RASEF: variants seen among roughly 807,000 people sequenced by gnomAD.
RASEF encodes the protein RAS and EF-hand domain containing.
In RASEF, 68 loss-of-function variants were observed where a neutral mutation model predicts 90.1. That is an observed-to-expected ratio of 0.75 (90% CI 0.62 to 0.92). The LOEUF (loss-of-function observed/expected upper bound fraction) is 0.92, where lower values mean the gene tolerates loss of function less well. Ranked by LOEUF, RASEF falls within the 40% of genes least tolerant of loss-of-function variation. RASEF has a pLI of 0.00. For missense variants in RASEF, 949 were observed against 937.2 expected, an observed-to-expected ratio of 1.01 and a Z score of -0.16; for synonymous variants, 331 against 345.2, an observed-to-expected ratio of 0.96 and a Z score of 0.46.
the RASEF span, among the ~76,000 whole-genome samples, chr9:83,160,045 T>A: frequency 6.6e-6 from 1 of 152,230 alleles, no homozygotes; most frequent in African/African-American, 2.4e-5. Context: ...GTAAGTCCAA[T>A]AAACCTCTTT....
At chr9:83,091,695 A>G in the RASEF span, among the ~76,000 whole-genome samples, 1 of 152,220 alleles carries the variant, frequency 6.6e-6, no homozygotes, top group Non-Finnish European at 1.5e-5. Flanking sequence ...CTGTGACATT[A>G]AAACATTCAA....
At chr9:83,132,801 G>C in the RASEF span, among the ~76,000 whole-genome samples, 8 of 152,142 alleles carry the variant, frequency 5.3e-5, no homozygotes, top group Admixed American at 5.2e-4. Flanking sequence ...CTCATTTGTA[G>C]ATTTCTCTCT....
At chr9:82,991,884 T>C (rs146798407) in intron 15 of RASEF, among the ~76,000 whole-genome samples, 5 of 152,338 alleles carry the variant, frequency 3.3e-5, no homozygotes, top group African/African-American at 1.2e-4. Context: ...TTTCATGAGT[T>C]TAACATCTGT....
the RASEF span, among the ~76,000 whole-genome samples, chr9:83,080,317 G>GT: frequency 2.0e-5 from 3 of 152,220 alleles, no homozygotes; most frequent in East Asian, 5.8e-4. Context: ...ATCACAGATG[G>GT]TAAGAATGGA....
chr9:83,158,833 C>T, the RASEF span, among the ~76,000 whole-genome samples: 3 of 149,796 alleles, frequency 2.0e-5, no homozygotes, highest in East Asian at 5.9e-4. Context: ...CAGACATACA[C>T]ACACACACAC....
At chr9:83,048,229 A>G (rs891765717) in intron 1 of RASEF, 7 of 985,250 alleles carry the variant, frequency 7.1e-6, no homozygotes, top group Non-Finnish European at 8.4e-6. Flanking sequence ...CGGCAGTCCT[A>G]TTGATGCTGG....
At chr9:82,989,886 T>C (rs966780503) in intron 16 of RASEF, among the ~76,000 whole-genome samples, 3 of 152,234 alleles carry the variant, frequency 2.0e-5, no homozygotes, top group Admixed American at 1.3e-4. Flanking sequence ...ATATCCAAGT[T>C]CTTTAATGAT....
chr9:83,209,510 G>A, the RASEF span, among the ~76,000 whole-genome samples: 1 of 152,260 alleles, frequency 6.6e-6, no homozygotes, highest in African/African-American at 2.4e-5. Context: ...TTGGCCAGAA[G>A]AAACTGGCCC....
chr9:83,013,036 C>T lies in RASEF; in HGVS notation c.766-525G>A, dbSNP rs117030289. 5.3e-5 allele frequency among the ~76,000 whole-genome samples: 8 copies of T among 152,284 alleles called. No individual in the cohort carries two copies. In the East Asian group the frequency reaches 1.3e-3, roughly 26 times the overall value. ...AATAAAATCTGAGTATAACAGGAAG[C>T]TAGAGACACAAACACACTTGATTAT... is the stretch of plus-strand genomic sequence containing the variant. On this transcript the variant is annotated intron_variant, in intron 4 of 16. Transcript: ENST00000376447.
At chr9:83,212,059 T>C in the RASEF span, among the ~76,000 whole-genome samples, 1 of 152,178 alleles carries the variant, frequency 6.6e-6, no homozygotes, top group Non-Finnish European at 1.5e-5. Context: ...TGTGTACATA[T>C]ATTTATATGT....
At chr9:83,080,362 C>A in the RASEF span, among the ~76,000 whole-genome samples, 2 of 152,160 alleles carry the variant, frequency 1.3e-5, no homozygotes, top group South Asian at 4.1e-4. Context: ...ATGGCTGTGC[C>A]AACATCAAAG....
At chr9:83,169,266 G>A in the RASEF span, among the ~76,000 whole-genome samples, 1 of 151,524 alleles carries the variant, frequency 6.6e-6, no homozygotes, top group Non-Finnish European at 1.5e-5. Flanking sequence ...TAGACACTTA[G>A]GTTGATTTTA....
At chr9:83,163,513 A>G in the RASEF span, among the ~76,000 whole-genome samples, 81,436 of 151,702 alleles carry the variant, frequency 0.54, 21,918 homozygotes, top group Middle Eastern at 0.61. Context: ...GGCAACATAA[A>G]CAAGAAGATG....
the RASEF span, among the ~76,000 whole-genome samples, chr9:83,163,026 G>C: frequency 6.6e-6 from 1 of 152,204 alleles, no homozygotes; most frequent in Non-Finnish European, 1.5e-5. Flanking sequence ...AGCAAGGTCT[G>C]CCCACAGGAG....
chr9:83,077,713 G>A, the RASEF span, among the ~76,000 whole-genome samples: 1 of 152,186 alleles, frequency 6.6e-6, no homozygotes, highest in Non-Finnish European at 1.5e-5. Flanking sequence ...ATAACGAGGT[G>A]AAAATAATCA....
At chr9:83,055,487 G>A in intron 1 of RASEF, 1 of 680,790 alleles carries the variant, frequency 1.5e-6, no homozygotes, top group Non-Finnish European at 2.7e-6. Flanking sequence ...AGATGGAAAT[G>A]CAGAAATCAC....
At chr9:83,093,065 CAG>C in the RASEF span, among the ~76,000 whole-genome samples, 1 of 151,686 alleles carries the variant, frequency 6.6e-6, no homozygotes, top group Admixed American at 6.6e-5. Context: ...TAGCTAGATA[CAG>C]AGTGTCGATT....
chr9:83,162,191 T>C, the RASEF span, among the ~76,000 whole-genome samples: 6 of 152,164 alleles, frequency 3.9e-5, no homozygotes, highest in Admixed American at 1.3e-4. Context: ...TTAGAGAACA[T>C]AGTATAATAT....
At chr9:83,008,892 A>T (rs11139894) in intron 6 of RASEF, among the ~76,000 whole-genome samples, 1,646 of 9,042 alleles carry the variant, frequency 0.18, 88 homozygotes, top group East Asian at 0.33. Flanking sequence ...AGTTCTCATC[A>T]TATATATATA....
Sources: allele counts gnomAD v4.1 joint callset (sites outside exome capture counted in the v4.1 genomes callset), GRCh38; gene constraint gnomAD v4.1.1; transcripts MANE v1.5; gene names NCBI Gene and HGNC (gene_info 2026-07-23, HGNC 2026-07-21).